Variants in FRMPD4 observed in about 807,000 individuals in gnomAD.
FRMPD4 encodes FERM and PDZ domain containing 4, also known as FERM and PDZ domain-containing protein 4.
FRMPD4 carries 22 observed loss-of-function variants against 94.1 expected under a neutral mutation model. That is an observed-to-expected ratio of 0.23 (90% CI 0.17 to 0.33). The LOEUF is 0.33. Among genes scored for constraint, FRMPD4 ranks in the 10% least tolerant of loss-of-function variants. The pLI is 1.00. For synonymous variants in FRMPD4, 631 were observed against 548.6 expected (o/e 1.15, Z -2.10); for missense variants, 1,111 against 1,339.9 (o/e 0.83, Z 2.67).
chrX:12,213,167 G>C (rs2056771521), intron 1 of FRMPD4, among the ~76,000 whole-genome samples: 2 of 111,589 alleles, frequency 1.8e-5, no homozygotes, highest in African/African-American at 6.5e-5. Flanking sequence ...TCGGGTTCTA[G>C]AGCTCTGGCT....
Position 12,159,536 on chromosome X carries a change from C to T in FRMPD4, c.41+20524C>T, listed in dbSNP as rs193271257. ...GATCTTAAGGACTATTGCCGTTTTA[C>T]TATGACAGTTGCTCTAGGCTTCTGC... On this transcript the variant is annotated intron_variant, in intron 1 of 16. Coordinates refer to ENST00000675598, the MANE Select transcript of FRMPD4 (RefSeq NM_001368397.1). 7.3e-3 allele frequency among the ~76,000 whole-genome samples: 817 copies of T among 112,100 alleles called. 1 individual carries two copies. Among genetic ancestry groups the T allele is most frequent in the Non-Finnish European group, 0.013 (672 of 53,229 alleles).
chrX:12,053,600 T>A (rs2054837579), intron 3 of FRMPD4, among the ~76,000 whole-genome samples: 2 of 110,689 alleles, frequency 1.8e-5, no homozygotes, highest in African/African-American at 6.6e-5. Context: ...AATCGAGGCC[T>A]GCACATCACA....
rs1385967557 is a variant in FRMPD4, at chrX:12,034,603, G to A, written c.95+156585G>A. ...TACCATTGCTTGTTTCAGCACTTGGGAGTCGAGCAGGAACTATGATACAGC... is the reference window on the plus strand; with the variant it reads ...TACCATTGCTTGTTTCAGCACTTGGAAGTCGAGCAGGAACTATGATACAGC... On this transcript the variant is annotated intron_variant, in intron 3 of 18. Coordinates refer to the FRMPD4 transcript ENST00000640291. Among the ~76,000 whole-genome samples the A allele has an allele frequency of 4.5e-5, 5 of 111,677 alleles. No homozygotes were observed. In the East Asian group the frequency reaches 1.4e-3, roughly 31 times the overall value.
At chrX:12,689,885 T>C (rs2060063924) in intron 7 of FRMPD4, among the ~76,000 whole-genome samples, 1 of 112,569 alleles carries the variant, frequency 8.9e-6, no homozygotes. Context: ...CTGCACAATC[T>C]ATTGACAACC....
chrX:12,409,303 G>A (rs1314148764), intron 1 of FRMPD4, among the ~76,000 whole-genome samples: 1 of 111,555 alleles, frequency 9.0e-6, no homozygotes, highest in Admixed American at 9.5e-5. Context: ...TGCCGAAGAT[G>A]CTGCTGAACA....
chrX:12,358,425 A>T (rs1310627955), intron 1 of FRMPD4, among the ~76,000 whole-genome samples: 1 of 111,293 alleles, frequency 9.0e-6, no homozygotes, highest in Non-Finnish European at 1.9e-5. Context: ...CTTATCTTGT[A>T]TATCTATTTG....
At chrX:12,411,667 G>A (rs189726587) in intron 1 of FRMPD4, among the ~76,000 whole-genome samples, 21 of 111,938 alleles carry the variant, frequency 1.9e-4, no homozygotes, top group South Asian at 3.8e-4. Context: ...TGTAAAAGAC[G>A]AATGCAGAGG....
intron 3 of FRMPD4, among the ~76,000 whole-genome samples, chrX:11,887,075 T>A (rs2053849704): frequency 8.9e-6 from 1 of 112,105 alleles, no homozygotes; most frequent in South Asian, 3.8e-4. Context: ...TCAAAGAATA[T>A]CCTTTTACTC....
chrX:12,277,214 T>C (rs1039518962), intron 1 of FRMPD4, among the ~76,000 whole-genome samples: 1 of 111,909 alleles, frequency 8.9e-6, no homozygotes, highest in East Asian at 2.8e-4. Context: ...ATTCAACATG[T>C]AATTATAGGG....
At chrX:12,269,120 A>G (rs773213692) in intron 1 of FRMPD4, among the ~76,000 whole-genome samples, 89 of 111,410 alleles carry the variant, frequency 8.0e-4, no homozygotes, top group African/African-American at 2.8e-3. Context: ...GTTGTTTACC[A>G]GTGTGAAAAG....
At chrX:12,071,818 G>A (rs939769419) in intron 3 of FRMPD4, among the ~76,000 whole-genome samples, 12 of 110,991 alleles carry the variant, frequency 1.1e-4, no homozygotes, top group Non-Finnish European at 2.1e-4. Context: ...GCCAAAGGAA[G>A]GACCAGAACT....
intron 1 of FRMPD4, among the ~76,000 whole-genome samples, chrX:12,481,042 C>G (rs1248130387): frequency 9.0e-6 from 1 of 111,426 alleles, no homozygotes; most frequent in African/African-American, 3.3e-5. Flanking sequence ...TAGTAATACC[C>G]AATACCTTTG....
chrX:12,198,084 T>C (rs1601687868), intron 1 of FRMPD4, among the ~76,000 whole-genome samples: 1 of 112,066 alleles, frequency 8.9e-6, no homozygotes, highest in East Asian at 2.8e-4. Context: ...ATAAAACATA[T>C]ACAGATTAAT....
At chrX:12,705,460 T>C (rs1053110330) in intron 11 of FRMPD4, among the ~76,000 whole-genome samples, 3 of 111,721 alleles carry the variant, frequency 2.7e-5, no homozygotes, top group African/African-American at 9.8e-5. Flanking sequence ...TTTGTCTTAG[T>C]ATCTGATTTT....
intron 14 of FRMPD4, among the ~76,000 whole-genome samples, chrX:12,712,600 G>A (rs2042006693): frequency 9.0e-6 from 1 of 111,015 alleles, no homozygotes; most frequent in Admixed American, 9.6e-5. Flanking sequence ...AGAAAGGAGA[G>A]AAAGACAGAA....
chrX:11,865,716 G>A (rs1164308662), intron 2 of FRMPD4, among the ~76,000 whole-genome samples: 1 of 111,894 alleles, frequency 8.9e-6, no homozygotes, highest in Non-Finnish European at 1.9e-5. Flanking sequence ...CTTAACTAGG[G>A]CAGAATATGT....
intron 14 of FRMPD4, among the ~76,000 whole-genome samples, chrX:12,713,570 G>A (rs60194562): frequency 5.2e-4 from 58 of 110,997 alleles, no homozygotes; most frequent in African/African-American, 1.9e-3. Flanking sequence ...ATAGACCTAG[G>A]TTGAGCAGCA....
intron 3 of FRMPD4, among the ~76,000 whole-genome samples, chrX:11,913,068 C>T (rs2054005206): frequency 8.9e-6 from 1 of 112,259 alleles, no homozygotes; most frequent in African/African-American, 3.2e-5. Flanking sequence ...CCTTATCTGC[C>T]TCCAAAGCCA....
At chrX:12,363,980 A>G (rs180907995) in intron 1 of FRMPD4, among the ~76,000 whole-genome samples, 41 of 111,489 alleles carry the variant, frequency 3.7e-4, no homozygotes, top group Admixed American at 9.5e-5. Context: ...AACAACATCT[A>G]TTGCAAGTTC....
Sources: allele counts gnomAD v4.1 joint callset (sites outside exome capture counted in the v4.1 genomes callset), GRCh38; gene constraint gnomAD v4.1.1; transcripts MANE v1.5; gene names NCBI Gene and HGNC (gene_info 2026-07-23, HGNC 2026-07-21).